RICTOR: variants seen among roughly 807,000 people sequenced by gnomAD.
The protein encoded by RICTOR is rapamycin-insensitive companion of mTOR.
A neutral mutation model predicts 214.9 loss-of-function variants in RICTOR; 49 were observed. The ratio of observed to expected loss-of-function variants is 0.23; its 90% confidence interval spans 0.18 to 0.29. RICTOR has a LOEUF of 0.29. Among genes scored for constraint, RICTOR ranks in the 10% least tolerant of loss-of-function variants. The pLI, the probability that RICTOR is intolerant of heterozygous loss-of-function variation, is 1.00. For synonymous variants in RICTOR, 717 were observed against 711.3 expected (o/e 1.01, Z -0.13); for missense variants, 1,625 against 2,047.0 (o/e 0.79, Z 3.98).
chr5:39,009,315 T>C (rs932755495), intron 3 of RICTOR, among the ~76,000 whole-genome samples: 15 of 152,182 alleles, frequency 9.9e-5, no homozygotes, highest in Non-Finnish European at 1.3e-4. Flanking sequence ...TAACATTTCC[T>C]AGAGTTAGCA....
chr5:38,946,171 A>G (rs1240117047), intron 33 of RICTOR, among the ~76,000 whole-genome samples: 1 of 152,078 alleles, frequency 6.6e-6, no homozygotes, highest in Non-Finnish European at 1.5e-5. Context: ...TCCTGGATCT[A>G]TGAGGATTAG....
intron 10 of RICTOR, among the ~76,000 whole-genome samples, chr5:38,974,821 A>G (rs911695116): frequency 1.3e-5 from 2 of 152,208 alleles, no homozygotes; most frequent in African/African-American, 4.8e-5. Flanking sequence ...TTTGTATGGA[A>G]AAGGTATTTT....
At chr5:39,052,514 T>G (rs1757921662) in intron 2 of RICTOR, among the ~76,000 whole-genome samples, 1 of 152,128 alleles carries the variant, frequency 6.6e-6, no homozygotes, top group Admixed American at 6.5e-5. Flanking sequence ...GTTATCTGCA[T>G]AAAAAAAGAA....
At chr5:39,036,180 G>A (rs1014672061) in intron 2 of RICTOR, among the ~76,000 whole-genome samples, 12 of 152,200 alleles carry the variant, frequency 7.9e-5, no homozygotes, top group African/African-American at 2.9e-4. Flanking sequence ...TAAAAGAAAA[G>A]AATATTCAAC....
At position 38,949,988 on chromosome 5, in the gene RICTOR, A is replaced by C; in HGVS notation, c.3860T>G (p.Leu1287Arg). 8.7e-6 allele frequency: 14 copies of C among 1,613,548 alleles called. No individual in the cohort carries two copies. Among genetic ancestry groups the C allele is most frequent in the Non-Finnish European group, 1.2e-5 (14 of 1,179,644 alleles). ...CGTATGAGAAGAACCTGGAGGCACCAGGGACACCGAATTTGATTTGGAGAG... is the reference window on the plus strand; with the variant it reads ...CGTATGAGAAGAACCTGGAGGCACCCGGGACACCGAATTTGATTTGGAGAG... Reference protein sequence around the residue: ...LSLSKSNSVSLVPPGSSHTLP... With the variant: ...LSLSKSNSVSRVPPGSSHTLP... The change falls in exon 31 of 38, where the codon CTG (leucine) becomes CGG (arginine). Residue 1287 changes from leucine (L) to arginine (R), a missense_variant. Around this residue, in one of 5 missense-constraint regions of RICTOR, gnomAD observed 1,214 missense variants for 1,470.5 expected, o/e 0.83. Transcript: ENST00000357387.
At chr5:38,994,132 G>A (rs13436483) in intron 6 of RICTOR, among the ~76,000 whole-genome samples, 24,498 of 151,972 alleles carry the variant, frequency 0.16, 2,124 homozygotes, top group Middle Eastern at 0.22. Flanking sequence ...GGAGCTTGCA[G>A]TGAGCCGAGA....
rs540407327 is a variant in RICTOR, at chr5:39,055,485, T to G, written c.97+18626A>C. On this transcript the variant is annotated intron_variant, in intron 2 of 37. Transcript: ENST00000357387. ...AAGAGCATTTATCAGTACCTAAAAT[T>G]CTGCACTCATGTGTTTACTGTGTTC... is the stretch of plus-strand genomic sequence containing the variant. 1.7e-4 allele frequency among the ~76,000 whole-genome samples: 25 copies of G among 143,404 alleles called. 1 individual carries two copies. Among genetic ancestry groups the G allele is most frequent in the East Asian group, 1.5e-3 (7 of 4,788 alleles). 94.1% of individuals were successfully genotyped at this position (143,404 alleles called of 152,430 possible).
In RICTOR at chr5:39,050,976, T is replaced by C. The variant is rs1196282911; in HGVS notation, c.97+23135A>G. Among the ~76,000 whole-genome samples, 4 of 152,156 alleles carry C rather than the reference T, an allele frequency of 2.6e-5. No homozygotes were observed. In the East Asian group the frequency reaches 5.8e-4, roughly 22 times the overall value. ...AAGTATGAATCAATAGCAATTCCTA[T>C]ATATTATCACTGTGAGAATAAAGAC... On this transcript the variant is annotated intron_variant, in intron 2 of 37. Transcript: ENST00000357387.
At chr5:39,044,913 C>T (rs1457609527) in intron 2 of RICTOR, among the ~76,000 whole-genome samples, 2 of 152,154 alleles carry the variant, frequency 1.3e-5, no homozygotes, top group Non-Finnish European at 2.9e-5. Flanking sequence ...CTAACCATTC[C>T]CCTTACCTAA....
At chr5:39,002,213 TA>T (rs1753692249) in intron 5 of RICTOR, among the ~76,000 whole-genome samples, 2 of 140,192 alleles carry the variant, frequency 1.4e-5, no homozygotes, top group Non-Finnish European at 3.1e-5. Flanking sequence ...ATCTCAAAGA[TA>T]ATAATGAGAA....
At chr5:39,007,135 A>T (rs1251786202) in intron 3 of RICTOR, among the ~76,000 whole-genome samples, 1 of 152,202 alleles carries the variant, frequency 6.6e-6, no homozygotes, top group Non-Finnish European at 1.5e-5. Flanking sequence ...AAATATGGTA[A>T]GAAAAAGGTT....
At chr5:39,066,425 T>A (rs1056439393) in intron 2 of RICTOR, among the ~76,000 whole-genome samples, 1 of 152,214 alleles carries the variant, frequency 6.6e-6, no homozygotes, top group Non-Finnish European at 1.5e-5. Context: ...CTGTGAAGGT[T>A]TCTAAAATGC....
chr5:39,035,699 A>C (rs1184569319), intron 2 of RICTOR, among the ~76,000 whole-genome samples: 1 of 152,256 alleles, frequency 6.6e-6, no homozygotes, highest in African/African-American at 2.4e-5. Context: ...CGATTCGATC[A>C]ACTGGAAGAA....
Position 38,947,450 on chromosome 5 carries a change from C to A in RICTOR, c.4137-9G>T. On this transcript the variant is annotated splice_polypyrimidine_tract_variant and intron_variant, in intron 31 of 37. Coordinates refer to ENST00000357387, the MANE Select transcript of RICTOR (RefSeq NM_152756.5). ...TTAAGGCTTTCATGAACCTATAAAA[C>A]CATAAAGAAACCACTTGCATTAGTT... The A allele has an allele frequency of 6.3e-7, 1 of 1,587,394 alleles. No homozygotes were observed. Among genetic ancestry groups the A allele is most frequent in the Non-Finnish European group, 8.6e-7 (1 of 1,159,924 alleles).
intron 10 of RICTOR, among the ~76,000 whole-genome samples, chr5:38,974,594 A>T (rs1015991075): frequency 2.2e-4 from 33 of 151,964 alleles, no homozygotes; most frequent in Admixed American, 2.1e-3. Flanking sequence ...CAGAAAACAA[A>T]GTACTGGGGA....
chr5:39,074,385 G>A lies in RICTOR; in HGVS notation c.-8C>T, dbSNP rs1302193615. ...GCGGCCGATCGCCGCCATATTGACG[G>A]GTTTCAGTCACAACACCGGAAACCT... On this transcript the variant is annotated 5_prime_UTR_variant, in exon 1 of 38. Coordinates refer to ENST00000357387, the MANE Select transcript of RICTOR (RefSeq NM_152756.5). 3 of 1,537,378 alleles carry A rather than the reference G, an allele frequency of 2.0e-6. No individual in the cohort carries two copies. Among genetic ancestry groups the A allele is most frequent in the Non-Finnish European group, 2.6e-6 (3 of 1,141,112 alleles).
At chr5:39,011,224 C>A (rs1219352949) in intron 3 of RICTOR, among the ~76,000 whole-genome samples, 2 of 152,154 alleles carry the variant, frequency 1.3e-5, no homozygotes, top group African/African-American at 4.8e-5. Flanking sequence ...ATGGTGCAAG[C>A]CCCAAGCCTT....
At chr5:38,962,005 T>C (rs1271338900) in intron 19 of RICTOR, among the ~76,000 whole-genome samples, 1 of 152,074 alleles carries the variant, frequency 6.6e-6, no homozygotes, top group Non-Finnish European at 1.5e-5. Context: ...GTCCTTATTA[T>C]GTCATCCTCA....
chr5:38,966,405 GTA>G (rs1310559937), intron 15 of RICTOR, among the ~76,000 whole-genome samples: 1 of 152,238 alleles, frequency 6.6e-6, no homozygotes, highest in Non-Finnish European at 1.5e-5. Flanking sequence ...TTTGCATGTT[GTA>G]TATTTATTCC....
Sources: gnomAD v4.1 joint callset for allele counts (sites outside exome capture counted in the v4.1 genomes callset) on GRCh38, gnomAD v4.1.1 for gene constraint, gnomAD v4.1.1 regional missense constraint, MANE v1.5 for transcripts, NCBI Gene and HGNC (gene_info 2026-07-23, HGNC 2026-07-21) for gene names.